Variants in NCOA2 observed in about 807,000 individuals in gnomAD.
NCOA2 encodes nuclear receptor coactivator 2.
Under a neutral mutation model 145.1 loss-of-function variants are expected in NCOA2, and 21 were observed. The ratio of observed to expected loss-of-function variants is 0.14; its 90% CI spans 0.10 to 0.21. The LOEUF (loss-of-function observed/expected upper bound fraction) is 0.21, where lower values mean the gene tolerates loss of function less well. Ranked by LOEUF, NCOA2 falls within the 10% of genes least tolerant of loss-of-function variation. NCOA2 has a pLI of 1.00. For synonymous variants in NCOA2, 619 were observed against 637.5 expected (o/e 0.97, Z 0.44); for missense variants, 1,472 against 1,837.6 (o/e 0.80, Z 3.64).
chr8:70,348,940 T>C (rs150873538), intron 1 of NCOA2, among the ~76,000 whole-genome samples: 1 of 137,636 alleles, frequency 7.3e-6, no homozygotes, highest in Non-Finnish European at 1.5e-5. Flanking sequence ...TTGCATAAGA[T>C]CACTAAATTA....
intron 4 of NCOA2, among the ~76,000 whole-genome samples, chr8:70,200,595 C>A (rs959427059): frequency 2.0e-5 from 3 of 152,030 alleles, no homozygotes; most frequent in Non-Finnish European, 4.4e-5. Context: ...TCAGGTGACA[C>A]AATTGAAGGA....
At chr8:70,225,785 T>C (rs553362392) in intron 2 of NCOA2, among the ~76,000 whole-genome samples, 241 of 152,308 alleles carry the variant, frequency 1.6e-3, no homozygotes, top group Non-Finnish European at 2.8e-3. Flanking sequence ...CGGTACAATG[T>C]TGTGGCCTAG....
At chr8:70,151,013 C>G (rs1397083652) in intron 11 of NCOA2, among the ~76,000 whole-genome samples, 1 of 152,104 alleles carries the variant, frequency 6.6e-6, no homozygotes, top group Non-Finnish European at 1.5e-5. Context: ...AACCAGTTTC[C>G]CTACTACAAT....
intron 8 of NCOA2, 58 bp downstream of exon 8, chr8:70,163,407 C>G (rs892038293): frequency 1.5e-5 from 19 of 1,290,546 alleles, no homozygotes; most frequent in Non-Finnish European, 2.1e-5. Context: ...CCTTGCATTC[C>G]CAAATATGTA....
intron 4 of NCOA2, among the ~76,000 whole-genome samples, chr8:70,181,377 G>A (rs953373900): frequency 1.3e-5 from 2 of 152,124 alleles, no homozygotes; most frequent in African/African-American, 2.4e-5. Context: ...TGTAGAAAAC[G>A]CGCAGAAATT....
intron 4 of NCOA2, among the ~76,000 whole-genome samples, chr8:70,199,479 G>C (rs961852027): frequency 6.6e-6 from 1 of 151,176 alleles, no homozygotes; most frequent in South Asian, 2.1e-4. Flanking sequence ...AAAGTAGAGA[G>C]GGATGGTCAA....
At chr8:70,256,169 C>T (rs1333982746) in intron 2 of NCOA2, among the ~76,000 whole-genome samples, 1 of 152,198 alleles carries the variant, frequency 6.6e-6, no homozygotes, top group African/African-American at 2.4e-5. Flanking sequence ...TCCAGATTGG[C>T]CAGCCACTCA....
intron 1 of NCOA2, among the ~76,000 whole-genome samples, chr8:70,316,148 T>C (rs925741081): frequency 6.6e-6 from 1 of 152,212 alleles, no homozygotes; most frequent in African/African-American, 2.4e-5. Context: ...ACAGAGGGTA[T>C]GCCTAGATGA....
At chr8:70,272,079 A>G (rs1467591159) in intron 2 of NCOA2, among the ~76,000 whole-genome samples, 1 of 152,262 alleles carries the variant, frequency 6.6e-6, no homozygotes, top group East Asian at 1.9e-4. Flanking sequence ...ACAGAAATGT[A>G]CATACAAACA....
the NCOA2 span, among the ~76,000 whole-genome samples, chr8:70,435,631 C>T: frequency 6.6e-6 from 1 of 151,044 alleles, no homozygotes; most frequent in Non-Finnish European, 1.5e-5. Context: ...AATAAATTCA[C>T]ACATGTAAAA....
intron 1 of NCOA2, among the ~76,000 whole-genome samples, chr8:70,365,346 C>CA (rs533520421): frequency 2.0e-5 from 3 of 151,784 alleles, no homozygotes; most frequent in African/African-American, 7.2e-5. Context: ...AACAAACAAA[C>CA]AAAAAAAATC....
intron 4 of NCOA2, among the ~76,000 whole-genome samples, chr8:70,182,261 C>T (rs1234519169): frequency 6.6e-6 from 1 of 152,184 alleles, no homozygotes; most frequent in African/African-American, 2.4e-5. Context: ...CTTTTTCTGA[C>T]ATTGAGCTTC....
intron 7 of NCOA2, among the ~76,000 whole-genome samples, chr8:70,164,937 TTAAG>T (rs1304454072): frequency 9.2e-5 from 14 of 152,098 alleles, no homozygotes; most frequent in Non-Finnish European, 2.1e-4. Context: ...AGCACAAAGT[TTAAG>T]TAACTTGTCC....
At chr8:70,152,880 A>C (rs1174570202) in intron 11 of NCOA2, among the ~76,000 whole-genome samples, 1 of 152,238 alleles carries the variant, frequency 6.6e-6, no homozygotes, top group Admixed American at 6.5e-5. Flanking sequence ...ATTCAGACTC[A>C]TTAATAGTTT....
At chr8:70,389,237 C>CAA (rs1812957115) in intron 1 of NCOA2, among the ~76,000 whole-genome samples, 1 of 152,118 alleles carries the variant, frequency 6.6e-6, no homozygotes, top group Non-Finnish European at 1.5e-5. Context: ...CAGAGCCACT[C>CAA]AGTGTGCAAC....
intron 2 of NCOA2, among the ~76,000 whole-genome samples, chr8:70,263,928 G>A (rs968590979): frequency 2.0e-5 from 3 of 152,112 alleles, no homozygotes; most frequent in African/African-American, 7.2e-5. Context: ...AAAAAAAACA[G>A]TGGGCCAGGC....
At chr8:70,387,290 T>A (rs2131552466) in intron 1 of NCOA2, among the ~76,000 whole-genome samples, 1 of 152,274 alleles carries the variant, frequency 6.6e-6, no homozygotes, top group East Asian at 1.9e-4. Context: ...CTCAGCCTCC[T>A]GAGTAGCTGG....
At chr8:70,396,183 T>C (rs1470391399) in intron 1 of NCOA2, among the ~76,000 whole-genome samples, 1 of 152,202 alleles carries the variant, frequency 6.6e-6, no homozygotes, top group African/African-American at 2.4e-5. Flanking sequence ...TAAACAATAC[T>C]AGAATTAAAT....
chr8:70,332,076 A>G (rs917880737), intron 1 of NCOA2, among the ~76,000 whole-genome samples: 3 of 152,210 alleles, frequency 2.0e-5, no homozygotes, highest in African/African-American at 7.2e-5. Flanking sequence ...AGACTTGTAA[A>G]TCAACTATTT....
Sources: gnomAD v4.1 joint callset for allele counts (sites outside exome capture counted in the v4.1 genomes callset) on GRCh38, gnomAD v4.1.1 for gene constraint, MANE v1.5 for transcripts, NCBI Gene and HGNC (gene_info 2026-07-23, HGNC 2026-07-21) for gene names.